Variants in RAI14 observed in about 807,000 individuals in gnomAD.
RAI14 encodes the protein ankycorbin.
A neutral mutation model predicts 115.4 loss-of-function variants in RAI14; 45 were observed. That is an observed-to-expected ratio of 0.39 (90% CI 0.31 to 0.50). The LOEUF (loss-of-function observed/expected upper bound fraction) is 0.50. Among genes scored for constraint, RAI14 ranks in the 20% least tolerant of loss-of-function variants. The pLI is 0.85. For synonymous variants in RAI14, 371 were observed against 415.4 expected, an observed-to-expected ratio of 0.89 and a Z score of 1.30; for missense variants, 939 against 1,131.2, an observed-to-expected ratio of 0.83 and a Z score of 2.44.
intron 1 of RAI14, among the ~76,000 whole-genome samples, chr5:34,679,383 G>A (rs1039140078): frequency 6.6e-6 from 1 of 152,210 alleles, no homozygotes; most frequent in African/African-American, 2.4e-5. Flanking sequence ...TGACTATGAA[G>A]AGAGCCTTGC....
At chr5:34,747,494 G>A (rs1746435265) in intron 2 of RAI14, among the ~76,000 whole-genome samples, 1 of 152,160 alleles carries the variant, frequency 6.6e-6, no homozygotes, top group Non-Finnish European at 1.5e-5. Flanking sequence ...ATCTTTCTAT[G>A]CCAAGCACTT....
chr5:34,714,773 C>A (rs6866604), intron 2 of RAI14, among the ~76,000 whole-genome samples: 87,795 of 152,014 alleles, frequency 0.58, 26,193 homozygotes, highest in African/African-American at 0.74. Flanking sequence ...CACCTCTCTG[C>A]TAAGGAACTT....
chr5:34,796,056 C>G, intron 4 of RAI14, 29 bp downstream of exon 4: 1 of 1,528,818 alleles, frequency 6.5e-7, no homozygotes, highest in Non-Finnish European at 9.0e-7. Flanking sequence ...CTTAAGTCAG[C>G]AGGCCAGCAC....
At chr5:34,776,040 T>C (rs570163104) in intron 3 of RAI14, among the ~76,000 whole-genome samples, 84 of 152,278 alleles carry the variant, frequency 5.5e-4, no homozygotes, top group South Asian at 1.0e-3. Flanking sequence ...ATCAGATGAA[T>C]GGATAAAGAA....
At chr5:34,747,695 G>T (rs1481314140) in intron 2 of RAI14, among the ~76,000 whole-genome samples, 1 of 152,028 alleles carries the variant, frequency 6.6e-6, no homozygotes, top group Non-Finnish European at 1.5e-5. Context: ...TGACATGGTG[G>T]GTCTTTAAAA....
At position 34,759,412 on chromosome 5, in the gene RAI14, C is replaced by T. The variant is rs577048645; in HGVS notation, c.167+1814C>T. ...GCAGTGGTTGTGCAAGCAAAGCTTC[C>T]TCTGTATTTACAGCCACTCCCCATT... On this transcript the variant is annotated intron_variant, in intron 3 of 17. Coordinates refer to ENST00000265109, the MANE Select transcript of RAI14 (RefSeq NM_015577.3). 2.6e-5 allele frequency among the ~76,000 whole-genome samples: 4 copies of T among 152,284 alleles called. No individual in the cohort carries two copies. In the South Asian group the frequency reaches 8.3e-4, roughly 32 times the overall value.
At chr5:34,758,004 T>C (rs1411109841) in intron 3 of RAI14, 1 of 154,796 alleles carries the variant, frequency 6.5e-6, no homozygotes, top group African/African-American at 2.4e-5. Flanking sequence ...ATGAGTAGTA[T>C]GATTTTGCTT....
At chr5:34,751,323 G>A (rs967999506) in intron 2 of RAI14, among the ~76,000 whole-genome samples, 3 of 150,510 alleles carry the variant, frequency 2.0e-5, no homozygotes, top group Non-Finnish European at 3.0e-5. Flanking sequence ...TGTACTTTTA[G>A]TAGAGACGGG....
intron 1 of RAI14, among the ~76,000 whole-genome samples, chr5:34,670,810 C>T (rs957575579): frequency 2.0e-5 from 3 of 152,142 alleles, no homozygotes; most frequent in Non-Finnish European, 4.4e-5. Flanking sequence ...TTCCAGATTG[C>T]ATTAACAAGG....
chr5:34,657,748 A>G (rs1389888493), intron 1 of RAI14, among the ~76,000 whole-genome samples: 1 of 152,208 alleles, frequency 6.6e-6, no homozygotes, highest in East Asian at 1.9e-4. Flanking sequence ...GTCCATCACT[A>G]GGACATAGCC....
chr5:34,745,226 A>G (rs572306002), intron 2 of RAI14, among the ~76,000 whole-genome samples: 172 of 152,346 alleles, frequency 1.1e-3, no homozygotes, highest in African/African-American at 3.9e-3. Flanking sequence ...GGCACCTGGA[A>G]GGTACTAGCA....
At chr5:34,699,153 AC>A in intron 2 of RAI14, among the ~76,000 whole-genome samples, 1 of 152,312 alleles carries the variant, frequency 6.6e-6, no homozygotes, top group Admixed American at 6.5e-5. Context: ...ACAACTATTT[AC>A]CACTAAAATA....
At position 34,831,125 on chromosome 5, in the gene RAI14, T is replaced by C. The variant is rs1003846116; in HGVS notation, c.*360T>C. ...ATGTGCTGAGGCCTCCTGCAGTGAA[T>C]GCTCCTTCCATTCCTGTACTCGGGC... On this transcript the variant is annotated 3_prime_UTR_variant, in exon 18 of 18. Transcript: ENST00000265109. 4.7e-6 allele frequency: 1 copy of C among 211,508 alleles called. No homozygotes were observed. The highest frequency in any genetic ancestry group is 2.3e-5 in the African/African-American group (1 of 43,330). The allele number at this position is 211,508 out of a possible 1,614,324, so 13.1% of individuals were successfully genotyped here.
chr5:34,659,060 C>A (rs969156808), intron 1 of RAI14: 7 of 152,014 alleles, frequency 4.6e-5, no homozygotes, highest in African/African-American at 1.4e-4. Context: ...ACTGTATCCA[C>A]AAAAAAATAC....
At chr5:34,723,199 A>G (rs73072586) in intron 2 of RAI14, among the ~76,000 whole-genome samples, 56 of 152,054 alleles carry the variant, frequency 3.7e-4, no homozygotes, top group African/African-American at 1.3e-3. Context: ...AACACAACCA[A>G]TAGGATGTTT....
intron 4 of RAI14, among the ~76,000 whole-genome samples, chr5:34,801,480 A>G (rs1427571367): frequency 7.6e-6 from 1 of 131,956 alleles, no homozygotes; most frequent in Non-Finnish European, 1.7e-5. Context: ...GCAGTGGCTC[A>G]TGCCTGTAAT....
At chr5:34,797,764 G>A (rs1753712032) in intron 4 of RAI14, among the ~76,000 whole-genome samples, 1 of 152,118 alleles carries the variant, frequency 6.6e-6, no homozygotes, top group African/African-American at 2.4e-5. Context: ...TTAAAGTTAT[G>A]CCATAAAACC....
intron 1 of RAI14, 62 bp downstream of exon 1, chr5:34,656,537 C>T (rs1742271371): frequency 6.6e-6 from 1 of 152,050 alleles, no homozygotes. Context: ...GTGTCCCCGC[C>T]TTTGTGTCTG....
At chr5:34,800,484 C>A (rs1320627418) in intron 4 of RAI14, among the ~76,000 whole-genome samples, 1 of 152,132 alleles carries the variant, frequency 6.6e-6, no homozygotes, top group African/African-American at 2.4e-5. Context: ...TGGATTCTGT[C>A]ACTAAAATAG....
Sources: allele counts gnomAD v4.1 joint callset (sites outside exome capture counted in the v4.1 genomes callset), GRCh38; gene constraint gnomAD v4.1.1; transcripts MANE v1.5; gene names NCBI Gene and HGNC (gene_info 2026-07-23, HGNC 2026-07-21).